The following CTNNA2 variants were observed in gnomAD, a reference collection of about 807,000 sequenced individuals.
CTNNA2 encodes the protein catenin alpha-2.
Under a neutral mutation model 101.0 loss-of-function variants are expected in CTNNA2, and 42 were observed. That is an observed-to-expected ratio of 0.42 (90% CI 0.32 to 0.54). CTNNA2 has a LOEUF of 0.54. Ranked by LOEUF, CTNNA2 falls within the 20% of genes least tolerant of loss-of-function variation. The pLI is 0.14. For synonymous variants in CTNNA2, 450 were observed against 456.4 expected (o/e 0.99, Z 0.18); for missense variants, 871 against 1,223.1 (o/e 0.71, Z 4.29).
rs144836976 is a variant in CTNNA2 at position 79,803,583 on chromosome 2, C to T, written c.299-54430C>T. Among the ~76,000 whole-genome samples, 303 of 152,358 alleles carry T rather than the reference C, an allele frequency of 2.0e-3. 1 individual carries two copies. The highest frequency in any genetic ancestry group is 7.0e-3 in the African/African-American group (290 of 41,582). On this transcript the variant is annotated intron_variant, in intron 3 of 18. Transcript: ENST00000402739. ...CCTTTAAGCAGTTTTCCGCCCTGGGCGGGCCAGGTGTTCCTTGCCCTCATT... is the reference window on the plus strand; with the variant it reads ...CCTTTAAGCAGTTTTCCGCCCTGGGTGGGCCAGGTGTTCCTTGCCCTCATT...
chr2:79,719,541 G>T (rs116407319), intron 2 of CTNNA2, among the ~76,000 whole-genome samples: 631 of 152,088 alleles, frequency 4.1e-3, no homozygotes, highest in African/African-American at 0.014. Context: ...TCTTTTATCC[G>T]CAGCCTCACC....
At chr2:80,218,140 C>T (rs1708376440) in intron 7 of CTNNA2, among the ~76,000 whole-genome samples, 1 of 152,202 alleles carries the variant, frequency 6.6e-6, no homozygotes, top group East Asian at 1.9e-4. Flanking sequence ...GAGTACTTCT[C>T]AATATCTCTG....
intron 7 of CTNNA2, among the ~76,000 whole-genome samples, chr2:80,150,940 C>G (rs1703658113): frequency 6.6e-6 from 1 of 152,182 alleles, no homozygotes; most frequent in South Asian, 2.1e-4. Flanking sequence ...GGGAACCAGT[C>G]TCCCATCACT....
chr2:80,182,042 T>G (rs891263284), intron 7 of CTNNA2, among the ~76,000 whole-genome samples: 1 of 152,136 alleles, frequency 6.6e-6, no homozygotes, highest in Admixed American at 6.5e-5. Context: ...AATGTATATA[T>G]GAAAGGGAGT....
chr2:79,499,273 T>C (rs1207360635), intron 4 of CTNNA2: 1 of 152,124 alleles, frequency 6.6e-6, no homozygotes, highest in Non-Finnish European at 1.5e-5. Flanking sequence ...GGTCAGAGTA[T>C]CTTAAACAAT....
chr2:80,231,263 A>G (rs1209343987), intron 7 of CTNNA2, among the ~76,000 whole-genome samples: 1 of 152,100 alleles, frequency 6.6e-6, no homozygotes, highest in Non-Finnish European at 1.5e-5. Flanking sequence ...TTATGATTAC[A>G]GGTGTGAGCC....
At chr2:80,039,892 A>G (rs548177533) in intron 7 of CTNNA2, among the ~76,000 whole-genome samples, 69 of 152,370 alleles carry the variant, frequency 4.5e-4, no homozygotes, top group South Asian at 1.7e-3. Flanking sequence ...TGGTAATTTC[A>G]TGGGATTTAT....
At chr2:80,405,700 A>G (rs1242144169) in intron 8 of CTNNA2, among the ~76,000 whole-genome samples, 2 of 152,176 alleles carry the variant, frequency 1.3e-5, no homozygotes, top group Non-Finnish European at 2.9e-5. Flanking sequence ...GATTAAATGC[A>G]TATCAGGAGA....
chr2:80,030,800 TA>T (rs1197521244), intron 7 of CTNNA2, among the ~76,000 whole-genome samples: 4 of 151,964 alleles, frequency 2.6e-5, no homozygotes, highest in African/African-American at 9.7e-5. Flanking sequence ...AGAGCTTCTA[TA>T]AATCAATAAA....
chr2:79,942,816 A>G (rs1336581757), intron 7 of CTNNA2, among the ~76,000 whole-genome samples: 1 of 152,158 alleles, frequency 6.6e-6, no homozygotes, highest in Non-Finnish European at 1.5e-5. Context: ...CAGGAAAATT[A>G]TATGAGATGA....
chr2:79,279,139 G>A (rs1675293624), intron 2 of CTNNA2, among the ~76,000 whole-genome samples: 1 of 152,020 alleles, frequency 6.6e-6, no homozygotes, highest in Non-Finnish European at 1.5e-5. Flanking sequence ...CTTACTTTCA[G>A]CTTTTATTTT....
intron 9 of CTNNA2, among the ~76,000 whole-genome samples, chr2:80,491,014 A>C (rs574618015): frequency 1.3e-5 from 2 of 152,302 alleles, no homozygotes; most frequent in East Asian, 3.9e-4. Flanking sequence ...GCTTTATCTT[A>C]AAATATTATG....
chr2:80,272,000 G>A (rs1463369506), intron 7 of CTNNA2, among the ~76,000 whole-genome samples: 1 of 152,142 alleles, frequency 6.6e-6, no homozygotes, highest in Admixed American at 6.6e-5. Flanking sequence ...GGATTCCACT[G>A]GAATATGAAT....
intron 7 of CTNNA2, among the ~76,000 whole-genome samples, chr2:80,036,821 GTT>G (rs1325868722): frequency 6.2e-4 from 72 of 116,032 alleles, no homozygotes; most frequent in African/African-American, 2.0e-3. Flanking sequence ...GTGTGTGTGT[GTT>G]TGTGTGTGTG....
intron 7 of CTNNA2, among the ~76,000 whole-genome samples, chr2:80,363,207 G>A (rs1332055163): frequency 2.6e-5 from 4 of 151,674 alleles, no homozygotes; most frequent in South Asian, 4.2e-4. Flanking sequence ...TGGAAAACAA[G>A]CACAGAAATA....
intron 4 of CTNNA2, among the ~76,000 whole-genome samples, chr2:79,472,822 T>G (rs1336167932): frequency 6.6e-6 from 1 of 152,198 alleles, no homozygotes; most frequent in East Asian, 1.9e-4. Flanking sequence ...CTTCTCTCAT[T>G]TTACTGTATA....
chr2:80,205,340 A>G (rs1284244191), intron 7 of CTNNA2, among the ~76,000 whole-genome samples: 1 of 152,192 alleles, frequency 6.6e-6, no homozygotes, highest in Non-Finnish European at 1.5e-5. Flanking sequence ...TTGAAAACCA[A>G]CAGATCCAGG....
chr2:80,580,318 C>G (rs1192799955), intron 13 of CTNNA2, among the ~76,000 whole-genome samples: 1 of 152,090 alleles, frequency 6.6e-6, no homozygotes, highest in Non-Finnish European at 1.5e-5. Context: ...TGGATTCTTT[C>G]TTATCTTTTC....
intron 9 of CTNNA2, among the ~76,000 whole-genome samples, chr2:80,468,289 G>A (rs929975746): frequency 6.6e-5 from 10 of 152,262 alleles, no homozygotes; most frequent in African/African-American, 1.9e-4. Flanking sequence ...AAAACCAAAA[G>A]CAGCAAAAGC....
Sources: gnomAD v4.1 joint callset for allele counts (sites outside exome capture counted in the v4.1 genomes callset) on GRCh38, gnomAD v4.1.1 for gene constraint, MANE v1.5 for transcripts, NCBI Gene and HGNC (gene_info 2026-07-23, HGNC 2026-07-21) for gene names.